Variants in HDGFL3 observed in about 807,000 individuals in gnomAD.
The protein encoded by HDGFL3 is hepatoma-derived growth factor-related protein 3.
A neutral mutation model predicts 27.6 loss-of-function variants in HDGFL3; 6 were observed. The ratio of observed to expected loss-of-function variants is 0.22; its 90% CI spans 0.12 to 0.43. HDGFL3 has a LOEUF of 0.43. HDGFL3 is among the 20% of genes least tolerant of loss of function. The pLI is 1.00. For synonymous variants in HDGFL3, 88 were observed against 88.9 expected (o/e 0.99, Z 0.05); for missense variants, 207 against 250.1 (o/e 0.83, Z 1.16).
chr15:83,124,807 T>C (rs373107087), downstream of HDGFL3: 49 of 1,497,120 alleles, frequency 3.3e-5, no homozygotes, highest in Middle Eastern at 1.7e-4. Context: ...TAACGTAACA[T>C]TGTGATACTA....
intron 3 of HDGFL3, chr15:83,121,996 C>T (rs775583086): frequency 1.2e-6 from 2 of 1,609,770 alleles, no homozygotes; most frequent in African/African-American, 2.7e-5. Context: ...TGCCAGGAAA[C>T]ATTGTAGGTA....
intron 1 of HDGFL3, among the ~76,000 whole-genome samples, chr15:83,202,747 C>T (rs1443070766): frequency 6.6e-6 from 1 of 152,080 alleles, no homozygotes; most frequent in African/African-American, 2.4e-5. Flanking sequence ...TAACACCATC[C>T]AGATCAAGAC....
rs1461230952 is a variant in HDGFL3, at chr15:83,130,380, GC to G, written c.*8889del. On this transcript the variant is annotated 3_prime_UTR_variant, in exon 6 of 6. Transcript: ENST00000299633. ...GAAGGGCAGTGTGGACTACAGAGCA[GC>G]TGGCAGCCGCAGGGGCATTACCTCA... 1.3e-5 allele frequency: 2 copies of G among 152,372 alleles called. No homozygotes were observed. The highest frequency in any genetic ancestry group is 2.9e-5 in the Non-Finnish European group (2 of 68,152). 9.4% of individuals were successfully genotyped at this position (152,372 alleles called of 1,614,324 possible).
intron 3 of HDGFL3, among the ~76,000 whole-genome samples, chr15:83,116,747 T>C (rs543572621): frequency 4.6e-5 from 7 of 151,970 alleles, no homozygotes; most frequent in African/African-American, 1.4e-4. Context: ...GCATGGGAAG[T>C]AGAGAGAGGG....
intron 1 of HDGFL3, among the ~76,000 whole-genome samples, chr15:83,197,094 G>C (rs1360665185): frequency 6.6e-6 from 1 of 152,148 alleles, no homozygotes; most frequent in Non-Finnish European, 1.5e-5. Context: ...TCCCAGGAGT[G>C]TACTCAAAAC....
rs757571791 is a variant in HDGFL3 at position 83,151,327 on chromosome 15, T to A, written c.494A>T (p.Asp165Val). 1.2e-6 allele frequency: 2 copies of A among 1,613,322 alleles called. No individual in the cohort carries two copies. The highest frequency in any genetic ancestry group is 2.2e-5 in the South Asian group (2 of 90,950). ...TTCTTTGCAGTCTTTGTCATCTTCA[T>A]CTCCTGGAGATTTCCGGGACTGTTT... Reference protein sequence around the residue: ...SSKQSRKSPGDEDDKDCKEEE... With the variant: ...SSKQSRKSPGVEDDKDCKEEE... The change falls in exon 5 of 6, where the codon GAT becomes GTT. Residue 165 changes from aspartate (D) to valine (V), a missense_variant. Transcript: ENST00000299633.
chr15:83,174,792 T>G (rs2037289425), intron 1 of HDGFL3, among the ~76,000 whole-genome samples: 1 of 152,238 alleles, frequency 6.6e-6, no homozygotes, highest in South Asian at 2.1e-4. Context: ...TTTAAAATAA[T>G]CTTTTGAAAC....
intron 1 of HDGFL3, among the ~76,000 whole-genome samples, chr15:83,175,565 A>T (rs1336941013): frequency 3.3e-5 from 5 of 152,194 alleles, no homozygotes; most frequent in African/African-American, 1.2e-4. Context: ...TGATGCAACA[A>T]AACTTCATGG....
At chr15:83,143,537 G>A (rs1016785579) in intron 5 of HDGFL3, among the ~76,000 whole-genome samples, 5 of 152,110 alleles carry the variant, frequency 3.3e-5, no homozygotes, top group African/African-American at 9.7e-5. Flanking sequence ...AGCTAAGATC[G>A]TGCCACTGCA....
At chr15:83,192,912 G>C (rs1204060310) in intron 1 of HDGFL3, among the ~76,000 whole-genome samples, 3 of 152,150 alleles carry the variant, frequency 2.0e-5, no homozygotes, top group East Asian at 1.9e-4. Flanking sequence ...GGACAGGCCT[G>C]GGCAAACTTC....
chr15:83,159,719 A>G (rs929290379), intron 2 of HDGFL3, among the ~76,000 whole-genome samples: 1 of 152,198 alleles, frequency 6.6e-6, no homozygotes, highest in African/African-American at 2.4e-5. Context: ...AGTTGAAGAA[A>G]GAGCAAGTAC....
At chr15:83,183,766 GAAAAA>G (rs58129931) in intron 1 of HDGFL3, among the ~76,000 whole-genome samples, 1 of 133,498 alleles carries the variant, frequency 7.5e-6, no homozygotes, top group Non-Finnish European at 1.7e-5. Flanking sequence ...TCAAAAAAAA[GAAAAA>G]AAAAAAAAAA....
In HDGFL3 at chr15:83,136,862, AAC is replaced by A. The variant is rs1255733002; in HGVS notation, c.*2406_*2407del. On this transcript the variant is annotated 3_prime_UTR_variant, in exon 6 of 6. Transcript: ENST00000299633. ...TGAAGGAAAATGGAAATTCTTGAGAAACAGTTTGTTTAAAGAAATATATTCAA... is the reference window on the plus strand; with the variant it reads ...TGAAGGAAAATGGAAATTCTTGAGAAAGTTTGTTTAAAGAAATATATTCAA... 1.2e-5 allele frequency: 5 copies of A among 412,188 alleles called. No individual in the cohort carries two copies. Among genetic ancestry groups the A allele is most frequent in the Admixed American group, 4.1e-5 (1 of 24,530 alleles). 25.5% of individuals were successfully genotyped at this position (412,188 alleles called of 1,614,324 possible). A position where few individuals can be genotyped will look rare whatever the true frequency, so the allele number is the denominator to read the frequency against.
chr15:83,193,186 T>C (rs1014514803), intron 1 of HDGFL3, among the ~76,000 whole-genome samples: 2 of 152,026 alleles, frequency 1.3e-5, no homozygotes, highest in African/African-American at 4.8e-5. Context: ...AAATCATAGA[T>C]CTCCTAAGAA....
intron 1 of HDGFL3, among the ~76,000 whole-genome samples, chr15:83,166,800 G>C (rs1188506285): frequency 6.6e-6 from 1 of 152,074 alleles, no homozygotes; most frequent in Non-Finnish European, 1.5e-5. Flanking sequence ...AAAGGGGGAA[G>C]GTGCTACACA....
intron 1 of HDGFL3, chr15:83,189,510 A>C (rs1238439438): frequency 6.6e-6 from 1 of 152,246 alleles, no homozygotes; most frequent in Non-Finnish European, 1.5e-5. Context: ...TTTTCACAGA[A>C]GTCTTCCTTT....
At chr15:83,189,895 T>C (rs1042789700) in intron 1 of HDGFL3, among the ~76,000 whole-genome samples, 3 of 152,198 alleles carry the variant, frequency 2.0e-5, no homozygotes, top group South Asian at 2.1e-4. Context: ...TATCCTGTTA[T>C]GTCAATACAC....
intron 1 of HDGFL3, among the ~76,000 whole-genome samples, chr15:83,175,475 G>A (rs937093328): frequency 2.6e-5 from 4 of 152,146 alleles, no homozygotes; most frequent in African/African-American, 7.2e-5. Context: ...ATTATCAAGT[G>A]GCAACAGAAC....
At chr15:83,122,980 T>C (rs1444527782), downstream of HDGFL3, 16 of 1,357,698 alleles carry the variant, frequency 1.2e-5, no homozygotes, top group South Asian at 1.4e-4. Flanking sequence ...ACTGGAGCAT[T>C]TGGGGCATCC....
Sources: allele counts gnomAD v4.1 joint callset (sites outside exome capture counted in the v4.1 genomes callset), GRCh38; gene constraint gnomAD v4.1.1; transcripts MANE v1.5; gene names NCBI Gene and HGNC (gene_info 2026-07-23, HGNC 2026-07-21).